Variants in MYH15 observed in about 807,000 individuals in gnomAD.
MYH15 encodes the protein myosin-15.
A neutral mutation model predicts 240.5 loss-of-function variants in MYH15; 227 were observed. The ratio of observed to expected loss-of-function variants is 0.94; its 90% CI spans 0.85 to 1.05. The LOEUF is 1.05. MYH15 is among the 50% of genes least tolerant of loss of function. The probability of loss-of-function intolerance (pLI) is 0.00; values close to 1 mark genes in which losing one functional copy is unlikely to be tolerated. For synonymous variants in MYH15, 785 were observed against 796.7 expected, an observed-to-expected ratio of 0.99 and a Z score of 0.25; for missense variants, 2,217 against 2,247.5, an observed-to-expected ratio of 0.99 and a Z score of 0.27.
In MYH15 at chr3:108,421,193, T is replaced by C; in HGVS notation, c.3724A>G (p.Thr1242Ala). The change falls in exon 28 of 41, where the codon ACT becomes GCT. Residue 1242 changes from threonine (T) to alanine (A), a missense_variant. Physicochemically the swap from Thr to Ala is moderately conservative, Grantham distance 58. Transcript: ENST00000693548. ...TCATGCAAGCGCTCTTCATATAGAG[T>C]ACAGAGTTTCTCAGCATTTGCCTAT... ...RAKANAEKLC[T>A]LYEERLHEAT... is the part of the protein sequence containing the mutation. The C allele has an allele frequency of 6.2e-7, 1 of 1,613,172 alleles. No individual in the cohort carries two copies.
intron 1 of MYH15, among the ~76,000 whole-genome samples, chr3:108,526,979 A>G (rs571436296): frequency 6.6e-6 from 1 of 152,296 alleles, no homozygotes; most frequent in African/African-American, 2.4e-5. Context: ...ACATTTCAAT[A>G]TTCTTACTTC....
rs149416989 is a variant in MYH15 at position 108,492,963 on chromosome 3, AGAAG to A, written c.775+147_775+150del. 1.4e-3 allele frequency: 949 copies of A among 670,796 alleles called. 10 individuals are homozygous for A. In the African/African-American group the frequency reaches 0.015, roughly 11 times the overall value. 41.6% of individuals were successfully genotyped at this position (670,796 alleles called of 1,614,324 possible). A position where few individuals can be genotyped will look rare whatever the true frequency, so the allele number is the denominator to read the frequency against. On this transcript the variant is annotated intron_variant, in intron 8 of 40. Transcript: ENST00000693548. Reference sequence around the variant, plus strand: ...AGACCCTGTCAAGAAAGAAAAGAAAAGAAGGAAGGAAGGGAGAAAAAGAACGAGA... The same window carrying A: ...AGACCCTGTCAAGAAAGAAAAGAAAAGAAGGAAGGGAGAAAAAGAACGAGA...
chr3:108,509,854 T>C (rs1231511972), intron 1 of MYH15, among the ~76,000 whole-genome samples: 1 of 152,156 alleles, frequency 6.6e-6, no homozygotes, highest in Non-Finnish European at 1.5e-5. Context: ...TCCTTGCCTG[T>C]AACTACCAAG....
At chr3:108,426,820 G>T (rs573215944) in intron 27 of MYH15, among the ~76,000 whole-genome samples, 24 of 152,298 alleles carry the variant, frequency 1.6e-4, no homozygotes, top group Non-Finnish European at 5.9e-5. Flanking sequence ...GCCAGGGGGG[G>T]GCAGTGCTAC....
rs201634509 is a variant in MYH15, at chr3:108,456,881, T to C, written c.2023A>G (p.Ile675Val). Residue 675 changes from isoleucine to valine, a missense_variant and splice_region_variant, in exon 19 of 41, where the codon ATA (isoleucine) becomes GTA (valine). Coordinates refer to ENST00000693548, the MANE Select transcript of MYH15 (RefSeq NM_014981.3). Reference sequence around the variant, plus strand: ...TGTAGAACCAAGTAAGGGTCCAGTATACCTGGAAAAAAAAAAGAGTCATGG... The same window carrying C: ...TGTAGAACCAAGTAAGGGTCCAGTACACCTGGAAAAAAAAAAGAGTCATGG... ...INPNVNKIPG[I>V]LDPYLVLQQL... 378 of 1,600,944 alleles carry C rather than the reference T, an allele frequency of 2.4e-4. No homozygotes were observed. Among genetic ancestry groups the C allele is most frequent in the Non-Finnish European group, 2.3e-4 (269 of 1,172,108 alleles).
chr3:108,547,807 G>A, the MYH15 span, among the ~76,000 whole-genome samples: 2 of 152,118 alleles, frequency 1.3e-5, no homozygotes, highest in Non-Finnish European at 2.9e-5. Flanking sequence ...ATTAATAACT[G>A]ATTCAAGTAA....
At chr3:108,381,826 C>T (rs1035797715) in intron 40 of MYH15, among the ~76,000 whole-genome samples, 3 of 152,178 alleles carry the variant, frequency 2.0e-5, no homozygotes, top group African/African-American at 7.2e-5. Flanking sequence ...CTTTGCCAAC[C>T]CCATAAGGAG....
At chr3:108,546,015 T>G in the MYH15 span, among the ~76,000 whole-genome samples, 1 of 152,156 alleles carries the variant, frequency 6.6e-6, no homozygotes, top group Admixed American at 6.5e-5. Context: ...GTGTGTTCCA[T>G]AACAACACAT....
rs150649953 is a variant in MYH15 at position 108,518,812 on chromosome 3, C to A, written c.-57-8225G>T. ...CAAGAAGGTATTCTCTAGGTTCGTT[C>A]TGTCAGCTAGATGTGTTCTTAGATT... On this transcript the variant is annotated intron_variant, in intron 1 of 41. Transcript: ENST00000273353. Among the ~76,000 whole-genome samples the A allele has an allele frequency of 1.3e-3, 200 of 152,332 alleles. 1 individual carries two copies. In the Middle Eastern group the frequency reaches 0.014, roughly 10 times the overall value.
chr3:108,526,363 C>T (rs541776730), intron 1 of MYH15, among the ~76,000 whole-genome samples: 2 of 152,260 alleles, frequency 1.3e-5, no homozygotes, highest in South Asian at 4.1e-4. Context: ...AATTTATTTT[C>T]CCTGTTCCCA....
At chr3:108,484,799 C>T (rs1467132460) in intron 11 of MYH15, among the ~76,000 whole-genome samples, 1 of 152,096 alleles carries the variant, frequency 6.6e-6, no homozygotes, top group Non-Finnish European at 1.5e-5. Flanking sequence ...TCCTTTCTCT[C>T]ATTGTTCTCA....
chr3:108,454,782 C>T (rs185249268), intron 20 of MYH15, among the ~76,000 whole-genome samples: 221 of 152,302 alleles, frequency 1.5e-3, no homozygotes, highest in African/African-American at 5.0e-3. Context: ...GCCTAAAGCA[C>T]ACATTTTATG....
chr3:108,444,904 AG>A lies in MYH15; in HGVS notation c.2400-10del. The A allele has an allele frequency of 6.3e-7, 1 of 1,589,424 alleles. No homozygotes were observed. Among genetic ancestry groups the A allele is most frequent in the Non-Finnish European group, 8.5e-7 (1 of 1,172,096 alleles). On this transcript the variant is annotated splice_polypyrimidine_tract_variant and intron_variant, in intron 21 of 40. Coordinates refer to ENST00000693548, the MANE Select transcript of MYH15 (RefSeq NM_014981.3). ...TCAAAATAAGTGCATCCCTAAATCA[AG>A]AAAGAAAAAAGAAAAGCAAGTTAGC...
chr3:108,492,602 G>A lies in MYH15; in HGVS notation c.776-7C>T. 2 of 1,601,480 alleles carry A rather than the reference G, an allele frequency of 1.2e-6. No individual in the cohort carries two copies. The highest frequency in any genetic ancestry group is 1.7e-6 in the Non-Finnish European group (2 of 1,169,718). On this transcript the variant is annotated splice_region_variant and splice_polypyrimidine_tract_variant and intron_variant, in intron 8 of 40. Coordinates refer to ENST00000693548, the MANE Select transcript of MYH15 (RefSeq NM_014981.3). ...CTGGACTTTTCAAGCAAATCTGGAT[G>A]ATGAGAAATGAATAAAAATTCATAC...
chr3:108,507,263 AT>A (rs2107248094), intron 1 of MYH15, among the ~76,000 whole-genome samples: 1 of 48,134 alleles, frequency 2.1e-5, no homozygotes, highest in East Asian at 6.6e-4. Flanking sequence ...ATATATATAT[AT>A]ATATATATAT....
chr3:108,398,060 T>C (rs1222590153), intron 35 of MYH15, among the ~76,000 whole-genome samples: 1 of 152,106 alleles, frequency 6.6e-6, no homozygotes, highest in African/African-American at 2.4e-5. Context: ...GGAAATAGGG[T>C]CTTATTTTGT....
rs1308242960 is a variant in MYH15, at chr3:108,441,058, A to T, written c.2858T>A (p.Leu953Ter). ...ACGCTTCTCCTTCTCTGACTTCACC[A>T]ACATTGTTTCCAGGTCATCGATTTC... is the stretch of plus-strand genomic sequence containing the variant. ...KKEIDDLETM[L>*]VKSEKEKRTT... The change falls in exon 23 of 41, where the codon TTG (leucine) becomes TAG (stop). Residue 953 changes from leucine to a stop codon, truncating the protein, a stop_gained. Coordinates refer to ENST00000693548, the MANE Select transcript of MYH15 (RefSeq NM_014981.3). LOFTEE classifies it high-confidence loss of function. 4.3e-6 allele frequency: 7 copies of T among 1,614,144 alleles called. No homozygotes were observed. Among genetic ancestry groups the T allele is most frequent in the Non-Finnish European group, 5.9e-6 (7 of 1,179,994 alleles).
intron 7 of MYH15, among the ~76,000 whole-genome samples, chr3:108,493,491 T>C (rs1246097828): frequency 1.3e-5 from 2 of 152,252 alleles, no homozygotes; most frequent in Non-Finnish European, 2.9e-5. Flanking sequence ...GAAATCTCTC[T>C]GGGCCTCACT....
In MYH15 at chr3:108,439,720, G is replaced by T. The variant is rs780048788; in HGVS notation, c.3075+17C>A. 2 of 1,548,254 alleles carry T rather than the reference G, an allele frequency of 1.3e-6. No homozygotes were observed. Among genetic ancestry groups the T allele is most frequent in the Non-Finnish European group, 1.7e-6 (2 of 1,148,436 alleles). On this transcript the variant is annotated intron_variant, in intron 24 of 40. Coordinates refer to ENST00000693548, the MANE Select transcript of MYH15 (RefSeq NM_014981.3). ...ATGTAGACAGATAGATAACTAACCA[G>T]ATACACCGTTACTGACCTCATCAAC...
Sources: allele counts gnomAD v4.1 joint callset (sites outside exome capture counted in the v4.1 genomes callset), GRCh38; gene constraint gnomAD v4.1.1; transcripts MANE v1.5; gene names NCBI Gene and HGNC (gene_info 2026-07-23, HGNC 2026-07-21).